EML5: variants seen among roughly 807,000 people sequenced by gnomAD.
The protein encoded by EML5 is EMAP like 5.
In EML5, 120 loss-of-function variants were observed where a neutral mutation model predicts 250.0. The ratio of observed to expected loss-of-function variants is 0.48; its 90% CI spans 0.41 to 0.56. The LOEUF is 0.56. Ranked by LOEUF, EML5 falls within the 20% of genes least tolerant of loss-of-function variation. The pLI is 0.00. For synonymous variants in EML5, 771 were observed against 806.5 expected, an observed-to-expected ratio of 0.96 and a Z score of 0.75; for missense variants, 2,006 against 2,437.6, an observed-to-expected ratio of 0.82 and a Z score of 3.73.
chr14:88,698,194 A>G (rs1234885836), intron 14 of EML5, among the ~76,000 whole-genome samples: 1 of 151,746 alleles, frequency 6.6e-6, no homozygotes, highest in African/African-American at 2.4e-5. Flanking sequence ...TTCTTTTTAT[A>G]TAAAAACTTC....
At chr14:88,754,412 T>C in intron 2 of EML5, 100 bp downstream of exon 2, 1 of 1,146,674 alleles carries the variant, frequency 8.7e-7, no homozygotes, top group Non-Finnish European at 1.2e-6. Context: ...GGACAAATAA[T>C]TTTCATCAAG....
chr14:88,723,274 A>G (rs992157213), intron 8 of EML5, among the ~76,000 whole-genome samples: 4 of 152,206 alleles, frequency 2.6e-5, no homozygotes, highest in Non-Finnish European at 4.4e-5. Context: ...ATAATTTTAG[A>G]AAAGGAAGAA....
intron 1 of EML5, among the ~76,000 whole-genome samples, chr14:88,776,293 G>A (rs894700967): frequency 1.3e-5 from 2 of 152,112 alleles, no homozygotes; most frequent in South Asian, 2.1e-4. Context: ...AATCCTGGAG[G>A]AACAGAGAGA....
intron 1 of EML5, among the ~76,000 whole-genome samples, chr14:88,770,635 T>A (rs966512672): frequency 5.9e-5 from 9 of 152,158 alleles, no homozygotes; most frequent in Admixed American, 4.6e-4. Flanking sequence ...TTCCGATTGG[T>A]CCAATTTTCT....
At chr14:88,784,864 T>C (rs1168778590) in intron 1 of EML5, among the ~76,000 whole-genome samples, 1 of 150,998 alleles carries the variant, frequency 6.6e-6, no homozygotes, top group Non-Finnish European at 1.5e-5. Flanking sequence ...AGAAAGGAAA[T>C]CAGGATATCA....
At chr14:88,729,393 G>A (rs190317469) in intron 7 of EML5, among the ~76,000 whole-genome samples, 188 of 152,150 alleles carry the variant, frequency 1.2e-3, no homozygotes, top group African/African-American at 4.3e-3. Flanking sequence ...AACCAGGCCT[G>A]CTGCCTATTT....
chr14:88,643,728 C>G (rs572692637), intron 30 of EML5, among the ~76,000 whole-genome samples: 1 of 152,196 alleles, frequency 6.6e-6, no homozygotes, highest in African/African-American at 2.4e-5. Flanking sequence ...TCAAACAGTA[C>G]ATTCATCATC....
chr14:88,616,564 T>G (rs576635624), intron 42 of EML5, 162 bp downstream of exon 42: 1 of 729,576 alleles, frequency 1.4e-6, no homozygotes, highest in Admixed American at 3.0e-5. Flanking sequence ...AGGGAGAGGA[T>G]TTGTTTCTAA....
At chr14:88,703,216 TA>T (rs1293676678) in intron 13 of EML5, among the ~76,000 whole-genome samples, 2 of 152,196 alleles carry the variant, frequency 1.3e-5, no homozygotes, top group Non-Finnish European at 1.5e-5. Flanking sequence ...TTGTATACTA[TA>T]AAACAAAAAC....
chr14:88,666,626 TTTA>T (rs139235324), intron 21 of EML5, among the ~76,000 whole-genome samples: 1,586 of 152,304 alleles, frequency 0.01, 26 homozygotes, highest in African/African-American at 0.037. Flanking sequence ...AAATGATATT[TTTA>T]TTATTAATGA....
At chr14:88,643,171 T>TTGTAAA in intron 30 of EML5, 149 bp from the exon 31 acceptor site, 1 of 718,006 alleles carries the variant, frequency 1.4e-6, no homozygotes, top group Non-Finnish European at 2.1e-6. Context: ...AAAATTAAGC[T>TTGTAAA]ACTCATACTT....
At chr14:88,715,302 A>G in intron 8 of EML5, 107 bp from the exon 9 acceptor site, 1 of 1,118,574 alleles carries the variant, frequency 8.9e-7, no homozygotes, top group Non-Finnish European at 1.2e-6. Context: ...GTGTTTATAA[A>G]CTATAAAGTA....
chr14:88,664,287 AAAAGAAAAGAAAAAG>A (rs2092238344), intron 23 of EML5, among the ~76,000 whole-genome samples, 191 bp downstream of exon 23: 1 of 150,346 alleles, frequency 6.7e-6, no homozygotes, highest in Non-Finnish European at 1.5e-5. Flanking sequence ...AAAAAAAAAA[AAAAGAAAAGAAAAAG>A]GAAAAAGAAA....
chr14:88,698,291 G>T, intron 14 of EML5, among the ~76,000 whole-genome samples: 3 of 116,462 alleles, frequency 2.6e-5, no homozygotes, highest in African/African-American at 3.6e-5. Flanking sequence ...TTTGAGACAA[G>T]GTTTCACTCC....
chr14:88,792,245 C>G lies in EML5; in HGVS notation c.197+62G>C. 2.0e-6 allele frequency: 3 copies of G among 1,523,928 alleles called. No homozygotes were observed. Among genetic ancestry groups the G allele is most frequent in the Non-Finnish European group, 2.6e-6 (3 of 1,136,590 alleles). The allele number at this position is 1,523,928 out of a possible 1,614,324, so 94.4% of individuals were successfully genotyped here. ...AGCGGTCACGGCGTCCAGAGGAACC[C>G]GCGGGTGCAAACTCCGGGAGCGGCT... On this transcript the variant is annotated intron_variant, in intron 1 of 43. Transcript: ENST00000554922. This position sits in a 1 kb window ranked among gnomAD's most constrained non-coding sequence, Gnocchi z 6.9.
chr14:88,653,507 G>A (rs528655333), intron 27 of EML5, among the ~76,000 whole-genome samples: 6 of 152,122 alleles, frequency 3.9e-5, no homozygotes, highest in Non-Finnish European at 8.8e-5. Flanking sequence ...TAGCATGAAG[G>A]GGTGCTGAAT....
Position 88,657,481 on chromosome 14 carries a change from C to G in EML5, c.3899G>C (p.Arg1300Thr). ...GATGGTGTAACTGATTTCATTCTCC[C>G]TTGTAACATCACTGTCATAGCCTAC... ...EDGGYDSDVT[R>T]ENEISYTIRA... is the part of the protein sequence containing the mutation. The change falls in exon 27 of 44, where the codon AGG becomes ACG. Residue 1300 changes from arginine to threonine, a missense_variant. Arg to Thr is a moderately conservative substitution (Grantham distance 71, BLOSUM62 -1). This residue lies in a region of EML5 where 1,375 missense variants were observed against 1,590.3 expected (regional missense o/e 0.86). Transcript: ENST00000554922. 1 of 1,605,924 alleles carries G rather than the reference C, an allele frequency of 6.2e-7. No individual in the cohort carries two copies. Among genetic ancestry groups the G allele is most frequent in the Non-Finnish European group, 8.5e-7 (1 of 1,176,340 alleles).
intron 8 of EML5, among the ~76,000 whole-genome samples, chr14:88,726,267 A>G (rs2093664934): frequency 6.6e-6 from 1 of 152,178 alleles, no homozygotes; most frequent in Non-Finnish European, 1.5e-5. Flanking sequence ...CCCAAACTTT[A>G]TAGCTCAAAA....
intron 1 of EML5, among the ~76,000 whole-genome samples, chr14:88,779,237 C>T (rs2094474146): frequency 6.6e-6 from 1 of 152,158 alleles, no homozygotes; most frequent in Non-Finnish European, 1.5e-5. Context: ...CTGATTAAAG[C>T]CTTCTTCTAA....
Sources: gnomAD v4.1 joint callset for allele counts (sites outside exome capture counted in the v4.1 genomes callset) on GRCh38, gnomAD v4.1.1 for gene constraint, gnomAD v4.1.1 regional missense constraint, Gnocchi (gnomAD v3.1) non-coding constraint, MANE v1.5 for transcripts, NCBI Gene and HGNC (gene_info 2026-07-23, HGNC 2026-07-21) for gene names.